Variants in STAC observed in about 807,000 individuals in gnomAD.
STAC encodes the protein SH3 and cysteine-rich domain-containing protein.
In STAC, 43 loss-of-function variants were observed where a neutral mutation model predicts 48.8. The ratio of observed to expected loss-of-function variants is 0.88; its 90% CI spans 0.69 to 1.14. The LOEUF is 1.14. Ranked by LOEUF, STAC falls within the 50% of genes most tolerant of loss-of-function variation. The probability of loss-of-function intolerance (pLI) is 0.00; values close to 1 mark genes in which losing one functional copy is unlikely to be tolerated. For missense variants in STAC, 497 were observed against 504.0 expected (o/e 0.99, Z 0.13); for synonymous variants, 193 against 179.5 (o/e 1.07, Z -0.60).
intron 2 of STAC, among the ~76,000 whole-genome samples, chr3:36,453,234 T>C (rs962561987): frequency 6.6e-6 from 1 of 152,258 alleles, no homozygotes; most frequent in Admixed American, 6.5e-5. Context: ...CCTGGGCTCC[T>C]ACTTTGGCGG....
intron 1 of STAC, among the ~76,000 whole-genome samples, chr3:36,419,172 A>G (rs978970239): frequency 1.3e-5 from 2 of 152,084 alleles, no homozygotes; most frequent in African/African-American, 4.8e-5. Flanking sequence ...ACTCTGTCTC[A>G]CTAACTTCTT....
rs116008614 is a variant in STAC at position 36,531,667 on chromosome 3, G to A, written c.1110+2682G>A. Reference sequence around the variant, plus strand: ...TCTAATGGTACCAGATGCCCCATGGGAGAAAGGGAGCAGAAAGGACTGTAG... The same window carrying A: ...TCTAATGGTACCAGATGCCCCATGGAAGAAAGGGAGCAGAAAGGACTGTAG... On this transcript the variant is annotated intron_variant, in intron 10 of 10. Transcript: ENST00000273183. Among the ~76,000 whole-genome samples the A allele has an allele frequency of 5.6e-3, 859 of 152,284 alleles. 6 individuals are homozygous for A. The highest frequency in any genetic ancestry group is 5.6e-3 in the Non-Finnish European group (384 of 68,016).
chr3:36,521,813 G>C (rs1409581267), intron 8 of STAC, among the ~76,000 whole-genome samples: 2 of 152,100 alleles, frequency 1.3e-5, no homozygotes, highest in Non-Finnish European at 2.9e-5. Context: ...TAACTTTGAG[G>C]CCAGGCATGG....
chr3:36,512,085 G>C (rs1698555906), intron 8 of STAC, among the ~76,000 whole-genome samples: 1 of 152,092 alleles, frequency 6.6e-6, no homozygotes, highest in Admixed American at 6.6e-5. Context: ...AAAGTTTGGG[G>C]GCCTGAGTCC....
chr3:36,458,577 G>A (rs1335517644), intron 2 of STAC, among the ~76,000 whole-genome samples: 2 of 152,090 alleles, frequency 1.3e-5, no homozygotes, highest in African/African-American at 4.8e-5. Context: ...CCAGCTCTGC[G>A]TGAAGGAACA....
intron 2 of STAC, among the ~76,000 whole-genome samples, chr3:36,478,724 G>A (rs1697560258): frequency 6.6e-6 from 1 of 152,090 alleles, no homozygotes; most frequent in South Asian, 2.1e-4. Flanking sequence ...CTGACCTCAA[G>A]TGATCTGCCC....
intron 6 of STAC, among the ~76,000 whole-genome samples, chr3:36,503,985 T>G (rs78256440): frequency 1.9e-3 from 286 of 152,312 alleles, no homozygotes; most frequent in African/African-American, 6.5e-3. Flanking sequence ...AGAATCATAT[T>G]TAGAAGAGGC....
chr3:36,545,163 C>T (rs879770326), intron 10 of STAC, among the ~76,000 whole-genome samples: 10 of 152,188 alleles, frequency 6.6e-5, no homozygotes, highest in Non-Finnish European at 1.3e-4. Context: ...GACAGCAGGA[C>T]CCTCTCTCCT....
At chr3:36,533,382 G>T (rs1361633765) in intron 10 of STAC, among the ~76,000 whole-genome samples, 4 of 149,248 alleles carry the variant, frequency 2.7e-5, no homozygotes. Flanking sequence ...TATCCTTCCT[G>T]TTCCAAAAAT....
chr3:36,541,379 C>T (rs1012007091), intron 10 of STAC, among the ~76,000 whole-genome samples: 2 of 152,140 alleles, frequency 1.3e-5, no homozygotes, highest in South Asian at 2.1e-4. Context: ...CGTGGGAAAA[C>T]GACAGAAATG....
In STAC at chr3:36,539,451, C is replaced by A. The variant is rs144386914; in HGVS notation, c.1111-6740C>A. On this transcript the variant is annotated intron_variant, in intron 10 of 10. Transcript: ENST00000273183. ...GCTCCAACTTACAAGTGAGAACATG[C>A]AGTATTTTTTTGGTTTTCTGTTCCT... Among the ~76,000 whole-genome samples the A allele has an allele frequency of 7.2e-3, 1,092 of 152,238 alleles. 9 individuals are homozygous for A. Among genetic ancestry groups the A allele is most frequent in the Non-Finnish European group, 0.011 (741 of 68,026 alleles).
At chr3:36,513,746 G>C (rs1281305754) in intron 8 of STAC, among the ~76,000 whole-genome samples, 1 of 151,924 alleles carries the variant, frequency 6.6e-6, no homozygotes, top group African/African-American at 2.4e-5. Context: ...GCAATATCTG[G>C]TACATAGTAG....
intron 5 of STAC, among the ~76,000 whole-genome samples, chr3:36,492,031 A>AAAAAATATATATAT: frequency 2.4e-4 from 4 of 16,436 alleles, no homozygotes; most frequent in African/African-American, 3.8e-4. Context: ...AAAAAAAAAA[A>AAAAAATATATATAT]ATATATATAT....
chr3:36,517,934 C>T (rs577192567), intron 8 of STAC, among the ~76,000 whole-genome samples: 124 of 151,522 alleles, frequency 8.2e-4, no homozygotes, highest in African/African-American at 2.8e-3. Context: ...CACACACACA[C>T]AAGCACACAC....
intron 1 of STAC, among the ~76,000 whole-genome samples, chr3:36,432,792 A>T (rs1203041270): frequency 6.6e-6 from 1 of 151,818 alleles, no homozygotes; most frequent in African/African-American, 2.4e-5. Context: ...CATTTTCTCA[A>T]TCTATAAGAT....
rs1699485425 is a variant in STAC at position 36,547,976 on chromosome 3, A to G, written c.*1687A>G. The G allele has an allele frequency of 6.6e-6, 1 of 152,202 alleles. No homozygotes were observed. Among genetic ancestry groups the G allele is most frequent in the Non-Finnish European group, 1.5e-5 (1 of 68,030 alleles). 9.4% of individuals were successfully genotyped at this position (152,202 alleles called of 1,614,324 possible). A position where few individuals can be genotyped will look rare whatever the true frequency, so the allele number is the denominator to read the frequency against. ...TAATTCAGTATTCCATTTAATAAAA[A>G]CAATACAGTGGCTGGAAAGGAGCAT... On this transcript the variant is annotated 3_prime_UTR_variant, in exon 11 of 11. Coordinates refer to ENST00000273183, the MANE Select transcript of STAC (RefSeq NM_003149.3).
intron 2 of STAC, among the ~76,000 whole-genome samples, chr3:36,479,701 T>C (rs1469778282): frequency 1.3e-5 from 2 of 152,248 alleles, no homozygotes; most frequent in Non-Finnish European, 2.9e-5. Context: ...ACTAGTAGTT[T>C]TCTTAAATTT....
chr3:36,482,954 GGT>G, intron 2 of STAC, 36 bp from the exon 3 acceptor site: 1 of 1,457,424 alleles, frequency 6.9e-7, no homozygotes, highest in Non-Finnish European at 9.6e-7. Flanking sequence ...GGAAATGGCA[GGT>G]TGTATCCTAA....
rs901638856 is a variant in STAC at position 36,443,094 on chromosome 3, T to A, written c.112-270T>A. ...CACTTTTACAGCACACTGGTAGGAC[T>A]TTAAGGAGGCAGGGGAGGAGGAGCA... is the stretch of plus-strand genomic sequence containing the variant. On this transcript the variant is annotated intron_variant, in intron 1 of 10. Transcript: ENST00000273183. The surrounding 1 kb of genome is among the most constrained non-coding windows in gnomAD (Gnocchi z 4.2). Among the ~76,000 whole-genome samples, 2 of 152,174 alleles carry A rather than the reference T, an allele frequency of 1.3e-5. No homozygotes were observed. The highest frequency in any genetic ancestry group is 4.8e-5 in the African/African-American group (2 of 41,438).
Sources: gnomAD v4.1 joint callset for allele counts (sites outside exome capture counted in the v4.1 genomes callset) on GRCh38, gnomAD v4.1.1 for gene constraint, Gnocchi (gnomAD v3.1) non-coding constraint, MANE v1.5 for transcripts, NCBI Gene and HGNC (gene_info 2026-07-23, HGNC 2026-07-21) for gene names.